Variants in COL23A1 observed in about 807,000 individuals in gnomAD.
The protein encoded by COL23A1 is collagen alpha-1(XXIII) chain.
COL23A1 carries 97 observed loss-of-function variants against 99.3 expected under a neutral mutation model. That is an observed-to-expected ratio of 0.98 (90% CI 0.83 to 1.16). The LOEUF (loss-of-function observed/expected upper bound fraction) is 1.16, where lower values mean the gene tolerates loss of function less well. Ranked by LOEUF, COL23A1 falls within the 50% of genes most tolerant of loss-of-function variation. COL23A1 has a pLI of 0.00. For missense variants in COL23A1, 762 were observed against 757.4 expected (o/e 1.01, Z -0.07); for synonymous variants, 320 against 308.2 (o/e 1.04, Z -0.40).
chr5:178,357,333 C>CG (rs1761713562), intron 2 of COL23A1, among the ~76,000 whole-genome samples: 1 of 152,040 alleles, frequency 6.6e-6, no homozygotes, highest in African/African-American at 2.4e-5. Flanking sequence ...TGTGAGCCGG[C>CG]GGAAGTGCCT....
intron 1 of COL23A1, among the ~76,000 whole-genome samples, chr5:178,561,284 T>C (rs1171849498): frequency 3.3e-5 from 5 of 152,262 alleles, no homozygotes; most frequent in Non-Finnish European, 7.3e-5. Context: ...TGTTGTTTTC[T>C]GTTTTCCATT....
rs1408379322 is a variant in COL23A1 at position 178,589,332 on chromosome 5, G to GCCCCCA, written c.294+566_294+571dup. 6.6e-6 allele frequency among the ~76,000 whole-genome samples: 1 copy of GCCCCCA among 151,892 alleles called. No homozygotes were observed. The highest frequency in any genetic ancestry group is 6.6e-5 in the Admixed American group (1 of 15,258). On this transcript the variant is annotated intron_variant, in intron 1 of 28. Coordinates refer to ENST00000390654, the MANE Select transcript of COL23A1 (RefSeq NM_173465.4). The surrounding 1 kb of genome is among the most constrained non-coding windows in gnomAD (Gnocchi z 5.4). ...TCTCATCTTACCAAGTCATGTGGGC[G>GCCCCCA]CCCCCACCCCCATCCCCGAGGCCTC...
intron 2 of COL23A1, among the ~76,000 whole-genome samples, chr5:178,502,335 G>T (rs768246887): frequency 6.6e-6 from 1 of 152,186 alleles, no homozygotes; most frequent in Non-Finnish European, 1.5e-5. Flanking sequence ...GTTTCACCAT[G>T]TTAGCCAGGA....
At chr5:178,424,476 A>G (rs957583411) in intron 2 of COL23A1, among the ~76,000 whole-genome samples, 3 of 152,338 alleles carry the variant, frequency 2.0e-5, no homozygotes, top group Non-Finnish European at 4.4e-5. Flanking sequence ...GCCCCCGGAC[A>G]GACAGTAAAA....
intron 2 of COL23A1, among the ~76,000 whole-genome samples, chr5:178,444,952 T>G (rs1767077923): frequency 6.6e-6 from 1 of 152,208 alleles, no homozygotes. Flanking sequence ...TACACAGCAC[T>G]TAGTAAAGTC....
intron 2 of COL23A1, among the ~76,000 whole-genome samples, chr5:178,534,443 G>C (rs2113246015): frequency 6.6e-6 from 1 of 152,280 alleles, no homozygotes; most frequent in East Asian, 1.9e-4. Context: ...TTGTAAGGGA[G>C]GGGGCACTGG....
At chr5:178,511,905 T>C (rs1046850841) in intron 2 of COL23A1, among the ~76,000 whole-genome samples, 2 of 152,222 alleles carry the variant, frequency 1.3e-5, no homozygotes, top group East Asian at 3.8e-4. Flanking sequence ...AAAATTTTAA[T>C]TGGTACCACT....
intron 2 of COL23A1, among the ~76,000 whole-genome samples, chr5:178,370,841 C>G (rs1225707529): frequency 6.6e-6 from 1 of 152,200 alleles, no homozygotes; most frequent in Non-Finnish European, 1.5e-5. Flanking sequence ...ACTCAAGAGG[C>G]TGAGGCAGGA....
intron 2 of COL23A1, among the ~76,000 whole-genome samples, chr5:178,358,327 T>C (rs544618527): frequency 1.3e-5 from 2 of 151,326 alleles, no homozygotes; most frequent in Non-Finnish European, 2.9e-5. Flanking sequence ...TGTGTATGTG[T>C]ATGTATGTCT....
intron 2 of COL23A1, among the ~76,000 whole-genome samples, chr5:178,320,245 G>A (rs897646164): frequency 4.6e-5 from 7 of 152,212 alleles, no homozygotes; most frequent in African/African-American, 9.7e-5. Context: ...GCTCCTGTAC[G>A]CTGGCTCGTG....
intron 2 of COL23A1, among the ~76,000 whole-genome samples, chr5:178,553,768 T>C (rs139809932): frequency 3.9e-5 from 6 of 152,308 alleles, no homozygotes; most frequent in Non-Finnish European, 7.4e-5. Context: ...AGCATCTTCA[T>C]ACCCACGTCC....
chr5:178,516,414 C>T (rs920149202), intron 2 of COL23A1, among the ~76,000 whole-genome samples: 8 of 152,210 alleles, frequency 5.3e-5, no homozygotes, highest in Admixed American at 1.3e-4. Context: ...TGCCAGATCT[C>T]TCTGGTTTTA....
intron 9 of COL23A1, among the ~76,000 whole-genome samples, chr5:178,262,662 C>G (rs549412703): frequency 6.6e-6 from 1 of 152,206 alleles, no homozygotes; most frequent in African/African-American, 2.4e-5. Flanking sequence ...GGGAGGAAAG[C>G]TGAGGCTGAG....
Position 178,296,278 on chromosome 5 carries a change from C to A in COL23A1, c.407-5909G>T, listed in dbSNP as rs141784054. On this transcript the variant is annotated intron_variant, in intron 3 of 28. Coordinates refer to ENST00000390654, the MANE Select transcript of COL23A1 (RefSeq NM_173465.4). ...GAGACGAAGGAGGGGCTGTAAGAGT[C>A]AACATCGCTCCCTCACTGAGCACTC... Among the ~76,000 whole-genome samples the A allele has an allele frequency of 5.8e-3, 888 of 152,328 alleles. 3 individuals carry two copies. The highest frequency in any genetic ancestry group is 0.019 in the African/African-American group (803 of 41,566).
At chr5:178,286,049 C>A (rs182972968) in intron 5 of COL23A1, among the ~76,000 whole-genome samples, 1,582 of 152,306 alleles carry the variant, frequency 0.01, 27 homozygotes, top group African/African-American at 0.037. Context: ...GCGACGTGAA[C>A]GCCCTGAATC....
intron 2 of COL23A1, among the ~76,000 whole-genome samples, chr5:178,550,337 T>C (rs951021194): frequency 2.6e-5 from 4 of 152,202 alleles, no homozygotes; most frequent in African/African-American, 9.7e-5. Flanking sequence ...ACCGGATAGT[T>C]CTTTGTGGTG....
At chr5:178,291,382 T>C (rs1299188954) in intron 3 of COL23A1, among the ~76,000 whole-genome samples, 3 of 152,110 alleles carry the variant, frequency 2.0e-5, no homozygotes, top group Admixed American at 6.5e-5. Context: ...AAGAGGACAT[T>C]ACACAAGGAG....
chr5:178,296,467 T>C (rs2913754), intron 3 of COL23A1, among the ~76,000 whole-genome samples: 85,372 of 151,990 alleles, frequency 0.56, 24,865 homozygotes, highest in Non-Finnish European at 0.66. Flanking sequence ...AGAGGTGAGA[T>C]ACGCACTTCA....
chr5:178,379,388 C>T (rs999607573), intron 2 of COL23A1, among the ~76,000 whole-genome samples: 2 of 152,160 alleles, frequency 1.3e-5, no homozygotes, highest in Non-Finnish European at 2.9e-5. Flanking sequence ...TGTGTGTGTA[C>T]ATGCAGAGAA....
Sources: gnomAD v4.1 joint callset for allele counts (sites outside exome capture counted in the v4.1 genomes callset) on GRCh38, gnomAD v4.1.1 for gene constraint, Gnocchi (gnomAD v3.1) non-coding constraint, MANE v1.5 for transcripts, NCBI Gene and HGNC (gene_info 2026-07-23, HGNC 2026-07-21) for gene names.